ANO3: variants seen among roughly 807,000 people sequenced by gnomAD.
ANO3 encodes anoctamin 3.
ANO3 carries 99 observed loss-of-function variants against 144.8 expected under a neutral mutation model. That is an observed-to-expected ratio of 0.68 (90% CI 0.58 to 0.81). ANO3 has a LOEUF of 0.81. Ranked by LOEUF, ANO3 falls within the 30% of genes least tolerant of loss-of-function variation. The pLI is 0.00. For synonymous variants in ANO3, 414 were observed against 392.6 expected (o/e 1.05, Z -0.64); for missense variants, 905 against 1,202.2 (o/e 0.75, Z 3.66).
intron 1 of ANO3, among the ~76,000 whole-genome samples, chr11:26,262,719 A>AACACAC (rs144643690): frequency 6.7e-5 from 10 of 149,108 alleles, no homozygotes; most frequent in African/African-American, 2.2e-4. Context: ...CCTTATAGTA[A>AACACAC]ACACACACAC....
intron 14 of ANO3, among the ~76,000 whole-genome samples, chr11:26,561,974 T>C (rs1169088387): frequency 6.6e-6 from 1 of 151,876 alleles, no homozygotes; most frequent in Non-Finnish European, 1.5e-5. Flanking sequence ...TGTTTACAAA[T>C]TGGGCTCCCA....
At chr11:26,570,155 CT>C (rs1351283553) in intron 14 of ANO3, among the ~76,000 whole-genome samples, 1 of 151,976 alleles carries the variant, frequency 6.6e-6, no homozygotes, top group Non-Finnish European at 1.5e-5. Flanking sequence ...TAAAATTTAA[CT>C]AGTTTTAAAA....
chr11:26,248,515 T>A (rs541927152), intron 1 of ANO3, among the ~76,000 whole-genome samples: 2 of 152,302 alleles, frequency 1.3e-5, no homozygotes, highest in East Asian at 3.9e-4. Flanking sequence ...ATAGAGAAAC[T>A]GAATTTAAAA....
At chr11:26,457,965 G>A (rs1309482369) in intron 3 of ANO3, among the ~76,000 whole-genome samples, 1 of 151,964 alleles carries the variant, frequency 6.6e-6, no homozygotes, top group Non-Finnish European at 1.5e-5. Context: ...ATTTTAGGAA[G>A]CATCATCAAA....
At chr11:26,660,177 A>G in intron 26 of ANO3, 85 bp from the exon 27 acceptor site, 1 of 1,256,188 alleles carries the variant, frequency 8.0e-7, no homozygotes, top group Non-Finnish European at 1.1e-6. Flanking sequence ...TTCAAGGCAA[A>G]TGCAACATTG....
intron 16 of ANO3, 24 bp downstream of exon 16, chr11:26,599,022 A>C (rs1851720043): frequency 6.2e-7 from 1 of 1,608,884 alleles, no homozygotes. Context: ...ATCGATATCA[A>C]AATGTTTTGG....
At chr11:26,322,682 G>T (rs1382895629) in intron 1 of ANO3, among the ~76,000 whole-genome samples, 1 of 152,130 alleles carries the variant, frequency 6.6e-6, no homozygotes, top group African/African-American at 2.4e-5. Context: ...AGGTACATAT[G>T]ATCAATTAGA....
At chr11:26,563,041 C>A in intron 14 of ANO3, 1 of 1,549,756 alleles carries the variant, frequency 6.5e-7, no homozygotes, top group South Asian at 1.3e-5. Flanking sequence ...ACCTTCTAGG[C>A]AATGCAGTGA....
chr11:26,227,961 T>G (rs1041517778), intron 1 of ANO3, among the ~76,000 whole-genome samples: 1 of 152,200 alleles, frequency 6.6e-6, no homozygotes, highest in Admixed American at 6.5e-5. Flanking sequence ...GTTTAAAAAC[T>G]TAAGCCTACC....
intron 1 of ANO3, among the ~76,000 whole-genome samples, chr11:26,363,266 T>C (rs185186100): frequency 1.2e-3 from 182 of 152,314 alleles, no homozygotes; most frequent in African/African-American, 3.9e-3. Flanking sequence ...CTTAATTTGT[T>C]GATGCCCATT....
intron 16 of ANO3, 34 bp downstream of exon 16, chr11:26,599,032 G>T: frequency 6.2e-7 from 1 of 1,604,748 alleles, no homozygotes; most frequent in Non-Finnish European, 8.5e-7. Context: ...AAATGTTTTG[G>T]GATTCTAAAT....
chr11:26,206,928 G>T (rs1026463301), intron 1 of ANO3, among the ~76,000 whole-genome samples: 1 of 152,122 alleles, frequency 6.6e-6, no homozygotes. Context: ...CAGGGATTAA[G>T]GGTTTTTAAA....
At chr11:26,398,618 T>C (rs1281329849) in intron 1 of ANO3, among the ~76,000 whole-genome samples, 4 of 152,070 alleles carry the variant, frequency 2.6e-5, no homozygotes, top group African/African-American at 9.7e-5. Context: ...TGGATGCCTA[T>C]TTTAGGACTA....
At chr11:26,540,889 G>A (rs935020922) in intron 10 of ANO3, among the ~76,000 whole-genome samples, 11 of 152,078 alleles carry the variant, frequency 7.2e-5, no homozygotes, top group African/African-American at 1.9e-4. Flanking sequence ...ACAGAGTAGC[G>A]ATCCTTCAAG....
chr11:26,636,251 T>A (rs1852954835), intron 20 of ANO3, among the ~76,000 whole-genome samples: 1 of 152,198 alleles, frequency 6.6e-6, no homozygotes, highest in Non-Finnish European at 1.5e-5. Flanking sequence ...TGGTGATTGG[T>A]ATATTAAATT....
intron 1 of ANO3, among the ~76,000 whole-genome samples, chr11:26,209,463 T>A (rs189198419): frequency 3.3e-5 from 5 of 152,306 alleles, no homozygotes; most frequent in Admixed American, 3.3e-4. Flanking sequence ...TATGTGTGCA[T>A]GTGTCTTTAT....
intron 4 of ANO3, among the ~76,000 whole-genome samples, chr11:26,485,918 T>C (rs1860426425): frequency 6.6e-6 from 1 of 152,118 alleles, no homozygotes; most frequent in Admixed American, 6.5e-5. Context: ...ACCTGCACTA[T>C]GGGAGAAAAT....
At chr11:26,494,911 GAA>G (rs1475462139) in intron 4 of ANO3, among the ~76,000 whole-genome samples, 1 of 152,112 alleles carries the variant, frequency 6.6e-6, no homozygotes, top group Non-Finnish European at 1.5e-5. Flanking sequence ...TAGGGTTAGA[GAA>G]GGGTTATAAT....
At chr11:26,229,176 C>T (rs1363482279) in intron 1 of ANO3, among the ~76,000 whole-genome samples, 1 of 152,110 alleles carries the variant, frequency 6.6e-6, no homozygotes, top group Non-Finnish European at 1.5e-5. Context: ...GTCACTTCTA[C>T]CATCATTAAC....
Sources: allele counts gnomAD v4.1 joint callset (sites outside exome capture counted in the v4.1 genomes callset), GRCh38; gene constraint gnomAD v4.1.1; transcripts MANE v1.5; gene names NCBI Gene and HGNC (gene_info 2026-07-23, HGNC 2026-07-21).